The following CORO7 variants were observed in gnomAD, a reference collection of about 807,000 sequenced individuals.
CORO7 encodes coronin 7, also known as coronin-7.
Under a neutral mutation model 126.6 loss-of-function variants are expected in CORO7, and 107 were observed. The observed-to-expected ratio is 0.85, with a 90% confidence interval of 0.72 to 0.99. The LOEUF (loss-of-function observed/expected upper bound fraction) is 0.99, where lower values mean the gene tolerates loss of function less well. Among genes scored for constraint, CORO7 ranks in the 50% least tolerant of loss-of-function variants. The pLI is 0.00. For synonymous variants in CORO7, 603 were observed against 536.8 expected, an observed-to-expected ratio of 1.12 and a Z score of -1.70; for missense variants, 1,314 against 1,255.8, an observed-to-expected ratio of 1.05 and a Z score of -0.70.
chr16:4,415,960 G>A, intron 1 of CORO7: 1 of 872,502 alleles, frequency 1.1e-6, no homozygotes, highest in Non-Finnish European at 1.4e-6. Flanking sequence ...AGGGGCGCGT[G>A]CGGCCGAGGG....
rs980627203 is a variant in CORO7, at chr16:4,382,997, C to T, written c.785+4989G>A. ...CCACGTAAGTTCTCAGTCCCAACCT[C>T]GGGGATGTGTGCAGACAGGGCTGTG... On this transcript the variant is annotated intron_variant, in intron 9 of 27. Transcript: ENST00000251166. 27 of 1,303,634 alleles carry T rather than the reference C, an allele frequency of 2.1e-5. No individual in the cohort carries two copies. The African/African-American group carries it at 2.4e-4, about 12-fold the overall frequency. The allele number at this position is 1,303,634 out of a possible 1,614,324, so 80.8% of individuals were successfully genotyped here. A position where few individuals can be genotyped will look rare whatever the true frequency, so the allele number is the denominator to read the frequency against.
intron 9 of CORO7, chr16:4,372,097 G>A (rs1195666294): frequency 6.6e-6 from 1 of 151,616 alleles, no homozygotes; most frequent in Non-Finnish European, 1.5e-5. Flanking sequence ...ACGCACTCTC[G>A]GGCGGGACCG....
At position 4,358,482 on chromosome 16, in the gene CORO7, C is replaced by G. The variant is rs542898602; in HGVS notation, c.2342G>C (p.Gly781Ala). ...NSFTSPDPHKGLVLLPKTECD... is the reference protein window; with the variant it reads ...NSFTSPDPHKALVLLPKTECD... ...CTCCGTCTTAGGCAGGAGGACGAGG[C>G]CCTGGGGGAGCAAGGGAGTCGGAGC... The change falls in exon 24 of 28, where the codon GGC becomes GCC. Residue 781 changes from glycine to alanine, a missense_variant and splice_region_variant. Transcript: ENST00000251166. The G allele has an allele frequency of 2.6e-5, 41 of 1,591,100 alleles. 1 individual carries two copies. In the South Asian group the frequency reaches 3.9e-4, roughly 15 times the overall value.
chr16:4,395,777 A>T (rs981310909), intron 6 of CORO7, among the ~76,000 whole-genome samples: 1 of 152,178 alleles, frequency 6.6e-6, no homozygotes, highest in Non-Finnish European at 1.5e-5. Context: ...CAGCCTGGAG[A>T]GGCTCATATG....
intron 2 of CORO7, 95 bp from the exon 3 acceptor site, chr16:4,412,525 C>A (rs2056249918): frequency 2.3e-6 from 3 of 1,309,530 alleles, no homozygotes; most frequent in South Asian, 2.5e-5. Flanking sequence ...GCAGCTCAGC[C>A]TCGGACCTTC....
intron 16 of CORO7, 36 bp downstream of exon 16, chr16:4,361,949 A>T: frequency 6.4e-7 from 1 of 1,573,362 alleles, no homozygotes; most frequent in Non-Finnish European, 8.6e-7. Flanking sequence ...ACAGGCAGGG[A>T]ACTGAGGGGC....
intron 6 of CORO7, among the ~76,000 whole-genome samples, chr16:4,399,508 G>A (rs1324642735): frequency 1.3e-5 from 2 of 152,206 alleles, no homozygotes; most frequent in Admixed American, 6.5e-5. Flanking sequence ...GGGCAAAGGG[G>A]AACTGCTGTT....
chr16:4,375,713 C>T (rs945572834), intron 9 of CORO7, among the ~76,000 whole-genome samples: 9 of 152,248 alleles, frequency 5.9e-5, no homozygotes, highest in African/African-American at 2.2e-4. Flanking sequence ...TGGTCTCGAT[C>T]TCCTGACCTC....
chr16:4,412,896 C>A (rs11648292), intron 2 of CORO7: 127,296 of 223,114 alleles, frequency 0.57, 41,214 homozygotes, highest in East Asian at 0.7. Flanking sequence ...TTTGCTTAAG[C>A]CAGCTTGAGG....
chr16:4,384,730 G>A (rs912578676), intron 9 of CORO7, among the ~76,000 whole-genome samples: 3 of 152,192 alleles, frequency 2.0e-5, no homozygotes, highest in Non-Finnish European at 4.4e-5. Flanking sequence ...GGCAGTGGGT[G>A]GTGGCAGTGG....
At chr16:4,407,795 C>T in intron 4 of CORO7, 111 bp from the exon 5 acceptor site, 1 of 1,353,890 alleles carries the variant, frequency 7.4e-7, no homozygotes, top group Non-Finnish European at 9.9e-7. Context: ...TCCAGGAGAC[C>T]ACACACCTTG....
intron 6 of CORO7, 86 bp from the exon 7 acceptor site, chr16:4,395,425 C>T: frequency 6.3e-7 from 1 of 1,581,238 alleles, no homozygotes; most frequent in East Asian, 2.3e-5. Flanking sequence ...CTCCCAACCC[C>T]CAGCTCTGAG....
At chr16:4,376,269 G>T (rs2054726845) in intron 9 of CORO7, among the ~76,000 whole-genome samples, 1 of 152,222 alleles carries the variant, frequency 6.6e-6, no homozygotes, top group African/African-American at 2.4e-5. Context: ...GGACACGTCA[G>T]CGAAACTGGA....
chr16:4,366,303 C>T (rs1361392485), intron 9 of CORO7, among the ~76,000 whole-genome samples: 1 of 152,126 alleles, frequency 6.6e-6, no homozygotes, highest in Non-Finnish European at 1.5e-5. Flanking sequence ...GGCCGGAAGC[C>T]CCCAGAGCCC....
chr16:4,396,540 A>G (rs1278675554), intron 6 of CORO7, among the ~76,000 whole-genome samples: 1 of 152,198 alleles, frequency 6.6e-6, no homozygotes, highest in African/African-American at 2.4e-5. Context: ...AAGTTTGCTG[A>G]GCAAGGAGAA....
chr16:4,394,685 T>G (rs1223012905), intron 7 of CORO7, among the ~76,000 whole-genome samples: 1 of 152,204 alleles, frequency 6.6e-6, no homozygotes, highest in African/African-American at 2.4e-5. Context: ...ACAGGCAATG[T>G]TTACGGAGCC....
intron 9 of CORO7, chr16:4,381,109 C>G: frequency 6.2e-7 from 1 of 1,609,248 alleles, no homozygotes; most frequent in Non-Finnish European, 8.5e-7. Flanking sequence ...CCTGCCGGGC[C>G]TGCAGCTCCT....
At chr16:4,355,853 C>T (rs890435824) in intron 26 of CORO7, among the ~76,000 whole-genome samples, 5 of 152,220 alleles carry the variant, frequency 3.3e-5, no homozygotes, top group African/African-American at 1.2e-4. Flanking sequence ...TCATGGCTCA[C>T]TGCAGCCTTG....
Position 4,412,506 on chromosome 16 carries a change from T to C in CORO7, c.158-76A>G, listed in dbSNP as rs567605085. On this transcript the variant is annotated intron_variant, in intron 2 of 27. Transcript: ENST00000251166. Reference sequence around the variant, plus strand: ...CCTCCTTGCCCAGGGATCCCAGAGATGAAATCCAGCAGCTCAGCCTCGGAC... The same window carrying C: ...CCTCCTTGCCCAGGGATCCCAGAGACGAAATCCAGCAGCTCAGCCTCGGAC... 5.9e-6 allele frequency: 9 copies of C among 1,526,352 alleles called. No individual in the cohort carries two copies. The South Asian group carries it at 7.9e-5, about 13-fold the overall frequency. 94.6% of individuals were successfully genotyped at this position (1,526,352 alleles called of 1,614,324 possible).
Sources: allele counts gnomAD v4.1 joint callset (sites outside exome capture counted in the v4.1 genomes callset), GRCh38; gene constraint gnomAD v4.1.1; transcripts MANE v1.5; gene names NCBI Gene and HGNC (gene_info 2026-07-23, HGNC 2026-07-21).